The following DNAH17 variants were observed in gnomAD, a reference collection of about 807,000 sequenced individuals.
DNAH17 encodes axonemal beta dynein heavy chain 17.
Under a neutral mutation model 485.6 loss-of-function variants are expected in DNAH17, and 376 were observed. The observed-to-expected ratio is 0.77, with a 90% CI of 0.71 to 0.84. The LOEUF is 0.84. Ranked by LOEUF, DNAH17 falls within the 40% of genes least tolerant of loss-of-function variation. The pLI is 0.00. For synonymous variants in DNAH17, 3,031 were observed against 2,405.9 expected (o/e 1.26, Z -7.60); for missense variants, 6,370 against 5,839.3 (o/e 1.09, Z -2.96).
At chr17:78,448,679 G>C (rs969923113) in intron 69 of DNAH17, among the ~76,000 whole-genome samples, 9 of 152,220 alleles carry the variant, frequency 5.9e-5, no homozygotes, top group Non-Finnish European at 1.0e-4. Flanking sequence ...AACAGTGTTG[G>C]GAGGTGGGGT....
At chr17:78,566,059 A>G (rs1203161862) in intron 11 of DNAH17, among the ~76,000 whole-genome samples, 2 of 152,098 alleles carry the variant, frequency 1.3e-5, no homozygotes, top group African/African-American at 4.8e-5. Context: ...CCATGTAAGG[A>G]CCAAATGAAA....
At position 78,529,529 on chromosome 17, in the gene DNAH17, G is replaced by A. The variant is rs760528268; in HGVS notation, c.3450C>T (p.Ile1150=). The A allele has an allele frequency of 1.8e-5, 29 of 1,613,796 alleles. No individual in the cohort carries two copies. The highest frequency in any genetic ancestry group is 1.7e-4 in the African/African-American group (13 of 74,892). ...CCTCCCCGTAGGTCTTGAGCAGCTCGATGGTTTGCTTCAGGGGCTCAAACA... is the reference window on the plus strand; with the variant it reads ...CCTCCCCGTAGGTCTTGAGCAGCTCAATGGTTTGCTTCAGGGGCTCAAACA... ...DNMFEPLKQT[I]ELLKTYGEEM... The change falls in exon 22 of 81, where the codon ATC becomes ATT. Residue 1150 remains isoleucine (I), a synonymous_variant. Transcript: ENST00000389840.
chr17:78,489,245 G>C (rs1055713098), intron 44 of DNAH17: 1 of 152,340 alleles, frequency 6.6e-6, no homozygotes, highest in East Asian at 1.9e-4. Context: ...GCACCAGCAT[G>C]AACTCCGGAA....
rs2146716561 is a variant in DNAH17 at position 78,501,263 on chromosome 17, T to C, written c.5404A>G (p.Ile1802Val). 1 of 1,609,566 alleles carries C rather than the reference T, an allele frequency of 6.2e-7. No homozygotes were observed. The highest frequency in any genetic ancestry group is 1.1e-5 in the South Asian group (1 of 90,822). ...GAATACTGGATTTGGGCATCGCAGA[T>C]GTTGGCAAAGCAGTGTCGCTTCTCT... ...DEEKRHCFAN[I>V]CDAQIQYSYE... The change falls in exon 35 of 81, where the codon ATC (isoleucine) becomes GTC (valine). Residue 1802 changes from isoleucine (I) to valine (V), a missense_variant. Physicochemically the swap from Ile to Val is conservative, Grantham distance 29. Transcript: ENST00000389840.
Position 78,425,367 on chromosome 17 carries a change from C to G in DNAH17, c.13120G>C (p.Val4374Leu). Residue 4374 changes from valine to leucine, a missense_variant, in exon 80 of 81, where the codon GTG becomes CTG. Coordinates refer to ENST00000389840, the MANE Select transcript of DNAH17 (RefSeq NM_173628.4). ...MTAPPREGSY[V>L]YGLFMEGARW... Reference sequence around the variant, plus strand: ...TTACCTTCCATGAAGAGTCCGTACACGTAGGAGCCCTCTCGCGGAGGAGCG... The same window carrying G: ...TTACCTTCCATGAAGAGTCCGTACAGGTAGGAGCCCTCTCGCGGAGGAGCG... The G allele has an allele frequency of 4.3e-6, 7 of 1,613,970 alleles. No individual in the cohort carries two copies. Among genetic ancestry groups the G allele is most frequent in the Non-Finnish European group, 5.9e-6 (7 of 1,179,872 alleles).
chr17:78,424,167 A>G lies in DNAH17; in HGVS notation c.13142-14T>C, dbSNP rs1177372511. 1.2e-6 allele frequency: 2 copies of G among 1,601,908 alleles called. No homozygotes were observed. The highest frequency in any genetic ancestry group is 1.7e-5 in the Admixed American group (1 of 59,722). On this transcript the variant is annotated splice_polypyrimidine_tract_variant and intron_variant, in intron 80 of 80. Coordinates refer to ENST00000389840, the MANE Select transcript of DNAH17 (RefSeq NM_173628.4). ...CCCAGCGAGCCCCTGCAGGGACAGT[A>G]TGGCTGAGGGTCAGGTGTGCTGCCA...
rs375060973 is a variant in DNAH17 at position 78,571,332 on chromosome 17, G to A, written c.779C>T (p.Ala260Val). ...VNKIVEILEKAKSCYWPALQN... is the reference protein window; with the variant it reads ...VNKIVEILEKVKSCYWPALQN... ...CAGGGCTGGCCAGTAGCAGCTTTTG[G>A]CTTTCTCTAGGATCTCAACAATCTT... is the stretch of plus-strand genomic sequence containing the variant. Residue 260 changes from alanine to valine, a missense_variant, in exon 5 of 81, where the codon GCC (alanine) becomes GTC (valine). By Grantham distance (64) the Ala-to-Val change is moderately conservative (BLOSUM62 0). Coordinates refer to ENST00000389840, the MANE Select transcript of DNAH17 (RefSeq NM_173628.4). The A allele has an allele frequency of 3.2e-5, 52 of 1,613,812 alleles. No homozygotes were observed. Among genetic ancestry groups the A allele is most frequent in the South Asian group, 9.9e-5 (9 of 91,070 alleles).
intron 15 of DNAH17, among the ~76,000 whole-genome samples, chr17:78,551,965 GA>G (rs112451291): frequency 0.13 from 18,521 of 140,118 alleles, 1,406 homozygotes; most frequent in East Asian, 0.33. Context: ...TCTATCTCAG[GA>G]AAAAAAAAAA....
chr17:78,570,872 A>AAAAAAAG (rs1233972786), intron 6 of DNAH17, 76 bp downstream of exon 6: 14 of 794,256 alleles, frequency 1.8e-5, no homozygotes, highest in African/African-American at 8.2e-5. Flanking sequence ...AAAAAAAAAA[A>AAAAAAAG]AAAAAAGAAA....
intron 14 of DNAH17, among the ~76,000 whole-genome samples, chr17:78,555,604 G>A (rs1401589699): frequency 6.7e-6 from 1 of 148,790 alleles, no homozygotes; most frequent in African/African-American, 2.5e-5. Flanking sequence ...TCAGTGTGAT[G>A]ACGGAAGCAC....
chr17:78,567,291 C>T, intron 9 of DNAH17, 125 bp from the exon 10 acceptor site: 2 of 948,738 alleles, frequency 2.1e-6, no homozygotes, highest in Non-Finnish European at 3.2e-6. Context: ...AGACACCAAC[C>T]ATGGGGGTGG....
chr17:78,501,971 A>C (rs2090311754), intron 33 of DNAH17, 98 bp from the exon 34 acceptor site: 13 of 1,525,586 alleles, frequency 8.5e-6, no homozygotes, highest in Middle Eastern at 3.5e-4. Flanking sequence ...GAACACCACC[A>C]TGCTTTTGTT....
At chr17:78,529,343 G>T in intron 22 of DNAH17, 129 bp downstream of exon 22, 3 of 905,424 alleles carry the variant, frequency 3.3e-6, no homozygotes, top group Non-Finnish European at 5.2e-6. Flanking sequence ...GTTCCATGGG[G>T]ATCTGATGTC....
Position 78,492,615 on chromosome 17 carries a change from C to A in DNAH17, c.6541+18G>T. 1 of 1,612,992 alleles carries A rather than the reference C, an allele frequency of 6.2e-7. No homozygotes were observed. ...CCAGGAGTGCCCCTGCAGCCTGTCC[C>A]GGGACCACCCTCGTTACCATCTTTC... On this transcript the variant is annotated intron_variant, in intron 42 of 80. Transcript: ENST00000389840.
chr17:78,447,899 C>T (rs766503725), intron 69 of DNAH17, among the ~76,000 whole-genome samples: 24 of 150,980 alleles, frequency 1.6e-4, no homozygotes, highest in Admixed American at 5.9e-4. Context: ...GGGCCGGGTG[C>T]GGTGGCTCAT....
Position 78,479,777 on chromosome 17 carries a change from G to A in DNAH17, c.7753-145C>T, listed in dbSNP as rs559887831. On this transcript the variant is annotated intron_variant, in intron 49 of 80. Coordinates refer to ENST00000389840, the MANE Select transcript of DNAH17 (RefSeq NM_173628.4). ...CAGAATGGGCAGTTACCCTCCTTGT[G>A]CCTTGCATGTGGTAAAACTGCATTA... is the stretch of plus-strand genomic sequence containing the variant. 76 of 1,097,188 alleles carry A rather than the reference G, an allele frequency of 6.9e-5. No homozygotes were observed. The African/African-American group carries it at 1.2e-3, about 17-fold the overall frequency. 68.0% of individuals were successfully genotyped at this position (1,097,188 alleles called of 1,614,324 possible). A position where few individuals can be genotyped will look rare whatever the true frequency, so the allele number is the denominator to read the frequency against.
At chr17:78,483,352 G>A (rs2089435201) in intron 48 of DNAH17, among the ~76,000 whole-genome samples, 1 of 152,224 alleles carries the variant, frequency 6.6e-6, no homozygotes, top group South Asian at 2.1e-4. Context: ...AGTTCTGGCT[G>A]AGCGTGGTGG....
intron 62 of DNAH17, among the ~76,000 whole-genome samples, chr17:78,457,667 T>C (rs2087874387): frequency 2.0e-5 from 3 of 148,972 alleles, no homozygotes; most frequent in East Asian, 4.0e-4. Context: ...CTTTTTTTTT[T>C]TTTTTTTTTT....
chr17:78,455,771 T>C lies in DNAH17; in HGVS notation c.10043A>G (p.Gln3348Arg), dbSNP rs748813263. Residue 3348 changes from glutamine to arginine, a missense_variant, in exon 63 of 81, where the codon CAG (glutamine) becomes CGG (arginine). By Grantham distance (43) the Gln-to-Arg change is conservative (BLOSUM62 1). Transcript: ENST00000389840. The part of the protein sequence containing the change: ...WAESVENFRS[Q>R]GVTLCGDVLL... ...GACGTCCCCACACAGCGTGACCCCC[T>C]GGCTCCTGAAGTTCTCCACAGACTC... 2 of 1,613,604 alleles carry C rather than the reference T, an allele frequency of 1.2e-6. No homozygotes were observed. Among genetic ancestry groups the C allele is most frequent in the Admixed American group, 1.7e-5 (1 of 59,990 alleles).
Sources: allele counts gnomAD v4.1 joint callset (sites outside exome capture counted in the v4.1 genomes callset), GRCh38; gene constraint gnomAD v4.1.1; transcripts MANE v1.5; gene names NCBI Gene and HGNC (gene_info 2026-07-23, HGNC 2026-07-21).